The following ACTL8 variants were observed in gnomAD, a reference collection of about 807,000 sequenced individuals.
ACTL8 encodes the protein actin-like protein 8.
A neutral mutation model predicts 9.3 loss-of-function variants in ACTL8; 3 were observed. The ratio of observed to expected loss-of-function variants is 0.32; its 90% confidence interval spans 0.15 to 0.83. The LOEUF is 0.83. ACTL8 is among the 40% of genes least tolerant of loss of function. The pLI is 0.57. For synonymous variants in ACTL8, 224 were observed against 205.9 expected (o/e 1.09, Z -0.75); for missense variants, 381 against 492.2 (o/e 0.77, Z 2.14).
intron 1 of ACTL8, among the ~76,000 whole-genome samples, chr1:17,776,052 A>G (rs969946240): frequency 3.4e-4 from 52 of 152,208 alleles, no homozygotes; most frequent in Admixed American, 2.6e-4. Context: ...CCCAGGTCAC[A>G]TAGCCTGTAA....
chr1:17,759,181 C>G (rs2065986398), intron 1 of ACTL8, among the ~76,000 whole-genome samples: 1 of 152,238 alleles, frequency 6.6e-6, no homozygotes, highest in South Asian at 2.1e-4. Context: ...TTTTCTGTGT[C>G]CAATCACCCT....
intron 1 of ACTL8, among the ~76,000 whole-genome samples, chr1:17,799,678 C>CA (rs931296012): frequency 1.3e-5 from 2 of 151,638 alleles, no homozygotes; most frequent in Admixed American, 1.3e-4. Flanking sequence ...TTACCAAGAC[C>CA]AAAAAAATTC....
chr1:17,807,813 G>A (rs1432385121), intron 1 of ACTL8, among the ~76,000 whole-genome samples: 1 of 151,940 alleles, frequency 6.6e-6, no homozygotes. Context: ...ATGGACACAG[G>A]GAGGAGAACA....
At chr1:17,791,677 C>T (rs933550934) in intron 1 of ACTL8, among the ~76,000 whole-genome samples, 5 of 152,290 alleles carry the variant, frequency 3.3e-5, no homozygotes, top group East Asian at 3.9e-4. Context: ...GAGTGGGCAC[C>T]GGGCCATGGG....
chr1:17,794,568 A>G (rs1420334582), intron 1 of ACTL8, among the ~76,000 whole-genome samples: 1 of 152,264 alleles, frequency 6.6e-6, no homozygotes, highest in Non-Finnish European at 1.5e-5. Context: ...TTTGGCTACT[A>G]GGAAGCTCAG....
At chr1:17,818,318 C>T (rs373508446) in intron 1 of ACTL8, among the ~76,000 whole-genome samples, 4 of 152,330 alleles carry the variant, frequency 2.6e-5, no homozygotes, top group Admixed American at 2.6e-4. Context: ...ACCACTTTAG[C>T]GCAGGCTACC....
At chr1:17,776,544 C>T (rs1002036048) in intron 1 of ACTL8, among the ~76,000 whole-genome samples, 8 of 152,130 alleles carry the variant, frequency 5.3e-5, no homozygotes, top group African/African-American at 1.7e-4. Flanking sequence ...TTGCAGACCC[C>T]CTCTCTGTGA....
chr1:17,760,151 A>G (rs1045303774), intron 1 of ACTL8, among the ~76,000 whole-genome samples: 1 of 152,100 alleles, frequency 6.6e-6, no homozygotes, highest in Non-Finnish European at 1.5e-5. Context: ...TATCTCTTGG[A>G]TAAATACCTC....
intron 2 of ACTL8, among the ~76,000 whole-genome samples, chr1:17,824,886 T>C (rs956127849): frequency 1.3e-5 from 2 of 152,034 alleles, no homozygotes; most frequent in African/African-American, 2.4e-5. Flanking sequence ...TTTTGAGAAA[T>C]GGCTGGTGGG....
intron 1 of ACTL8, among the ~76,000 whole-genome samples, chr1:17,821,852 C>T (rs1457224889): frequency 1.3e-5 from 2 of 152,184 alleles, no homozygotes; most frequent in Non-Finnish European, 2.9e-5. Flanking sequence ...TCTTGAACTC[C>T]TGACCTCAGG....
chr1:17,801,704 A>G (rs1408265675), intron 1 of ACTL8, among the ~76,000 whole-genome samples: 2 of 152,204 alleles, frequency 1.3e-5, no homozygotes, highest in African/African-American at 4.8e-5. Context: ...TAAATGTAAA[A>G]AAAACAATTT....
chr1:17,793,978 C>T (rs1047144370), intron 1 of ACTL8, among the ~76,000 whole-genome samples: 9 of 152,160 alleles, frequency 5.9e-5, no homozygotes, highest in Non-Finnish European at 1.3e-4. Flanking sequence ...TTTAGAATCT[C>T]GGGATACTTG....
intron 1 of ACTL8, among the ~76,000 whole-genome samples, chr1:17,797,861 G>A (rs973572433): frequency 6.6e-6 from 1 of 152,192 alleles, no homozygotes; most frequent in Non-Finnish European, 1.5e-5. Flanking sequence ...TCCAGCAAAC[G>A]GGAGCCAATG....
At chr1:17,778,196 G>A (rs2066130094) in intron 1 of ACTL8, among the ~76,000 whole-genome samples, 2 of 152,208 alleles carry the variant, frequency 1.3e-5, no homozygotes, top group African/African-American at 4.8e-5. Context: ...ATTGGGGTAG[G>A]CTGGGGCAGC....
At chr1:17,792,282 C>G (rs2066245152) in intron 1 of ACTL8, among the ~76,000 whole-genome samples, 1 of 152,200 alleles carries the variant, frequency 6.6e-6, no homozygotes, top group African/African-American at 2.4e-5. Flanking sequence ...TTTAACCCTT[C>G]TTGACAAATG....
intron 1 of ACTL8, among the ~76,000 whole-genome samples, chr1:17,774,634 G>C (rs1289792313): frequency 6.6e-6 from 1 of 152,076 alleles, no homozygotes; most frequent in Non-Finnish European, 1.5e-5. Context: ...CCTGGGGTAG[G>C]CATGTGCCTG....
At chr1:17,790,732 C>G (rs80133511) in intron 1 of ACTL8, among the ~76,000 whole-genome samples, 1 of 152,234 alleles carries the variant, frequency 6.6e-6, no homozygotes, top group African/African-American at 2.4e-5. Context: ...AACTGTCTGC[C>G]TCCTGCTGCT....
chr1:17,814,442 A>G (rs1273951241), intron 1 of ACTL8, among the ~76,000 whole-genome samples: 1 of 152,230 alleles, frequency 6.6e-6, no homozygotes, highest in Non-Finnish European at 1.5e-5. Flanking sequence ...CTACCAACAA[A>G]ACAATACAAT....
In ACTL8 at chr1:17,824,079, T is replaced by C. The variant is rs1027792634; in HGVS notation, c.348+723T>C. ...TGGGGAACCTGTTTGAAGAGAGCGC[T>C]CAGGAAGGGCTTCTCTGACGGAGGT... On this transcript the variant is annotated intron_variant, in intron 2 of 2. Coordinates refer to ENST00000375406, the MANE Select transcript of ACTL8 (RefSeq NM_030812.3). Among the ~76,000 whole-genome samples, 4 of 152,174 alleles carry C rather than the reference T, an allele frequency of 2.6e-5. No homozygotes were observed. The South Asian group carries it at 6.2e-4, about 24-fold the overall frequency.
Sources: gnomAD v4.1 joint callset for allele counts (sites outside exome capture counted in the v4.1 genomes callset) on GRCh38, gnomAD v4.1.1 for gene constraint, MANE v1.5 for transcripts, NCBI Gene and HGNC (gene_info 2026-07-23, HGNC 2026-07-21) for gene names.